PTPRD: variants seen among roughly 807,000 people sequenced by gnomAD.
PTPRD encodes the protein protein tyrosine phosphatase receptor type D.
A neutral mutation model predicts 214.5 loss-of-function variants in PTPRD; 34 were observed. The observed-to-expected ratio is 0.16, with a 90% CI of 0.12 to 0.21. The LOEUF (loss-of-function observed/expected upper bound fraction) is 0.21. PTPRD is among the 10% of genes least tolerant of loss of function. PTPRD has a pLI of 1.00. For synonymous variants in PTPRD, 1,128 were observed against 845.7 expected (o/e 1.33, Z -5.79); for missense variants, 2,545 against 2,398.7 (o/e 1.06, Z -1.27).
At chr9:10,492,036 T>C (rs1017484784) in intron 2 of PTPRD, among the ~76,000 whole-genome samples, 2 of 152,150 alleles carry the variant, frequency 1.3e-5, no homozygotes, top group Non-Finnish European at 2.9e-5. Flanking sequence ...CTGCAAAGGA[T>C]GTGAACTCAT....
At chr9:9,057,981 T>C (rs1417309587) in intron 10 of PTPRD, among the ~76,000 whole-genome samples, 6 of 152,212 alleles carry the variant, frequency 3.9e-5, no homozygotes, top group African/African-American at 1.2e-4. Context: ...CCTTCTTTTG[T>C]TATAGGATTT....
chr9:9,835,924 G>A (rs1016913726), intron 5 of PTPRD, among the ~76,000 whole-genome samples: 3 of 152,052 alleles, frequency 2.0e-5, no homozygotes, highest in African/African-American at 7.2e-5. Flanking sequence ...TACAATAAGT[G>A]ATGAATGATA....
intron 2 of PTPRD, among the ~76,000 whole-genome samples, chr9:10,371,952 A>G (rs2097632810): frequency 6.6e-6 from 1 of 151,992 alleles, no homozygotes; most frequent in South Asian, 2.1e-4. Flanking sequence ...AAATGACCCA[A>G]CTACTTCTTA....
chr9:9,580,656 C>T (rs1358285974), intron 7 of PTPRD, among the ~76,000 whole-genome samples: 3 of 147,558 alleles, frequency 2.0e-5, no homozygotes, highest in Non-Finnish European at 4.5e-5. Context: ...TCAAGCAATT[C>T]TCCTGCCTCA....
intron 11 of PTPRD, among the ~76,000 whole-genome samples, chr9:8,739,935 C>T (rs1001837639): frequency 6.6e-6 from 1 of 152,302 alleles, no homozygotes. Context: ...CTTTCACCCT[C>T]CACCATGATT....
chr9:10,285,108 A>C (rs145981032), intron 3 of PTPRD, among the ~76,000 whole-genome samples: 23 of 152,308 alleles, frequency 1.5e-4, no homozygotes, highest in African/African-American at 5.5e-4. Flanking sequence ...AACTGTAATA[A>C]ATATTTTTAT....
intron 3 of PTPRD, among the ~76,000 whole-genome samples, chr9:10,275,840 T>C (rs1045258609): frequency 6.6e-6 from 1 of 152,052 alleles, no homozygotes; most frequent in Admixed American, 6.5e-5. Flanking sequence ...ATGCCCCAAG[T>C]GGAGAAAAAT....
chr9:9,603,145 G>C (rs2093901734), intron 7 of PTPRD, among the ~76,000 whole-genome samples: 1 of 152,112 alleles, frequency 6.6e-6, no homozygotes, highest in Non-Finnish European at 1.5e-5. Flanking sequence ...GCATAAGTGA[G>C]ATAAATTGCA....
chr9:10,304,946 G>A (rs2096007624), intron 3 of PTPRD, among the ~76,000 whole-genome samples: 1 of 152,076 alleles, frequency 6.6e-6, no homozygotes, highest in Admixed American at 6.6e-5. Context: ...ATCCTGCATT[G>A]CCGAGACAAT....
chr9:9,243,741 G>GC (rs2099971567), intron 9 of PTPRD, among the ~76,000 whole-genome samples: 1 of 152,154 alleles, frequency 6.6e-6, no homozygotes, highest in Non-Finnish European at 1.5e-5. Flanking sequence ...AGACAGGGAT[G>GC]CCCTCTCTCA....
At chr9:10,133,062 T>C (rs28522957) in intron 3 of PTPRD, among the ~76,000 whole-genome samples, 11,587 of 152,220 alleles carry the variant, frequency 0.076, 499 homozygotes, top group East Asian at 0.13. Flanking sequence ...AGGCAGTCCA[T>C]GTAGATATAG....
At chr9:10,322,221 C>A (rs1370653148) in intron 3 of PTPRD, among the ~76,000 whole-genome samples, 1 of 151,988 alleles carries the variant, frequency 6.6e-6, no homozygotes, top group Admixed American at 6.6e-5. Context: ...TAATGCATGA[C>A]AGACCCATAA....
intron 2 of PTPRD, among the ~76,000 whole-genome samples, chr9:10,353,730 G>A (rs149820902): frequency 4.8e-3 from 724 of 151,752 alleles, no homozygotes; most frequent in African/African-American, 0.016. Flanking sequence ...TTTAACAACC[G>A]TACACCAAAA....
At chr9:8,640,829 A>G (rs79248123) in intron 12 of PTPRD, among the ~76,000 whole-genome samples, 120 of 143,158 alleles carry the variant, frequency 8.4e-4, no homozygotes, top group African/African-American at 3.4e-3. Context: ...TCATCATCCT[A>G]TGATACAAAG....
At chr9:8,388,696 C>T (rs1018498067) in intron 37 of PTPRD, among the ~76,000 whole-genome samples, 8 of 152,122 alleles carry the variant, frequency 5.3e-5, no homozygotes, top group East Asian at 1.9e-4. Flanking sequence ...ACTAGCAAAA[C>T]GCCCTCTATG....
intron 4 of PTPRD, among the ~76,000 whole-genome samples, chr9:10,018,257 C>A (rs1027934853): frequency 4.3e-4 from 66 of 151,820 alleles, no homozygotes; most frequent in African/African-American, 1.6e-3. Flanking sequence ...AAAAAAAAAT[C>A]TTGGAATTTA....
intron 11 of PTPRD, chr9:8,861,479 G>A (rs1371917499): frequency 1.3e-5 from 2 of 151,956 alleles, no homozygotes; most frequent in African/African-American, 2.4e-5. Context: ...CATGTGGCTA[G>A]TGATTAAAAG....
Position 9,087,878 on chromosome 9 carries a change from CTTTTTTTTTTT to C in PTPRD, c.-142-69154_-142-69144del, listed in dbSNP as rs59824704. 3.6e-4 allele frequency among the ~76,000 whole-genome samples: 25 copies of C among 68,648 alleles called. 1 individual carries two copies. Among genetic ancestry groups the C allele is most frequent in the African/African-American group, 1.3e-3 (23 of 17,276 alleles). 45.0% of individuals were successfully genotyped at this position (68,648 alleles called of 152,430 possible). ...TTATTTTCCACCAGAGCCCTAAACT[CTTTTTTTTTTT>C]TTTTTTTTTTTTTTTGAGACAGAGT... On this transcript the variant is annotated intron_variant, in intron 10 of 45. Coordinates refer to ENST00000381196, the MANE Select transcript of PTPRD (RefSeq NM_002839.4).
intron 7 of PTPRD, among the ~76,000 whole-genome samples, chr9:9,586,034 C>G (rs930177573): frequency 2.0e-5 from 3 of 151,982 alleles, no homozygotes; most frequent in Admixed American, 2.0e-4. Flanking sequence ...AGTCAGTGAC[C>G]TGAAAATGTC....
Sources: gnomAD v4.1 joint callset for allele counts (sites outside exome capture counted in the v4.1 genomes callset) on GRCh38, gnomAD v4.1.1 for gene constraint, MANE v1.5 for transcripts, NCBI Gene and HGNC (gene_info 2026-07-23, HGNC 2026-07-21) for gene names.